The following XRN1 variants were observed in gnomAD, a reference collection of about 807,000 sequenced individuals.
XRN1 encodes strand-exchange protein 1 homolog.
Under a neutral mutation model 222.3 loss-of-function variants are expected in XRN1, and 67 were observed. The ratio of observed to expected loss-of-function variants is 0.30; its 90% confidence interval spans 0.25 to 0.37. The LOEUF is 0.37. Among genes scored for constraint, XRN1 ranks in the 10% least tolerant of loss-of-function variants. The pLI is 1.00. For missense variants in XRN1, 1,707 were observed against 2,000.2 expected, an observed-to-expected ratio of 0.85 and a Z score of 2.80; for synonymous variants, 643 against 652.4, an observed-to-expected ratio of 0.99 and a Z score of 0.22.
chr3:142,434,004 G>GTTCT (rs1315120752), intron 1 of XRN1, among the ~76,000 whole-genome samples: 1 of 152,164 alleles, frequency 6.6e-6, no homozygotes, highest in Non-Finnish European at 1.5e-5. Context: ...ATTCTGGAAT[G>GTTCT]TTCTTACTGA....
chr3:142,360,917 G>A (rs1374408396), intron 29 of XRN1, among the ~76,000 whole-genome samples: 1 of 150,424 alleles, frequency 6.6e-6, no homozygotes, highest in East Asian at 1.9e-4. Flanking sequence ...CAGCCTTACT[G>A]AGGTATAACT....
At chr3:142,349,387 T>C (rs2066242667) in intron 32 of XRN1, among the ~76,000 whole-genome samples, 1 of 152,128 alleles carries the variant, frequency 6.6e-6, no homozygotes, top group Non-Finnish European at 1.5e-5. Flanking sequence ...AACATCAGGA[T>C]AGAACAAGTA....
At chr3:142,321,426 C>T (rs1240421992) in intron 37 of XRN1, among the ~76,000 whole-genome samples, 1 of 152,162 alleles carries the variant, frequency 6.6e-6, no homozygotes, top group Admixed American at 6.5e-5. Flanking sequence ...CGGCTATCCA[C>T]TTCCAACTGA....
chr3:142,402,789 TA>T (rs1251375217), intron 18 of XRN1, among the ~76,000 whole-genome samples: 3 of 152,190 alleles, frequency 2.0e-5, no homozygotes, highest in Non-Finnish European at 4.4e-5. Context: ...TCTAGTCCAG[TA>T]AATTACAATT....
intron 9 of XRN1, 24 bp from the exon 10 acceptor site, chr3:142,421,177 T>C: frequency 6.6e-7 from 1 of 1,517,164 alleles, no homozygotes; most frequent in Non-Finnish European, 8.8e-7. Context: ...TTTAAATTTA[T>C]TTTTAAATAA....
intron 15 of XRN1, among the ~76,000 whole-genome samples, chr3:142,408,905 G>C (rs1472162538): frequency 6.6e-6 from 1 of 152,202 alleles, no homozygotes. Flanking sequence ...TTATGGTATA[G>C]TGGTATCTTA....
intron 15 of XRN1, among the ~76,000 whole-genome samples, chr3:142,411,097 T>C (rs935000754): frequency 1.3e-5 from 2 of 152,208 alleles, no homozygotes; most frequent in African/African-American, 4.8e-5. Flanking sequence ...GTTCACTTCA[T>C]CTAGGTTGTT....
At chr3:142,433,248 A>G (rs2069709174) in intron 1 of XRN1, among the ~76,000 whole-genome samples, 1 of 152,300 alleles carries the variant, frequency 6.6e-6, no homozygotes, top group East Asian at 1.9e-4. Context: ...TCAAAACCTC[A>G]ATTTCCTCTA....
intron 33 of XRN1, among the ~76,000 whole-genome samples, chr3:142,344,762 A>G (rs181511482): frequency 3.3e-5 from 5 of 152,328 alleles, no homozygotes; most frequent in Admixed American, 2.0e-4. Flanking sequence ...ACCGAAATAA[A>G]TGGAAAGACA....
At chr3:142,439,052 G>A (rs928606184) in intron 1 of XRN1, among the ~76,000 whole-genome samples, 35 of 152,078 alleles carry the variant, frequency 2.3e-4, no homozygotes, top group Admixed American at 1.8e-3. Flanking sequence ...AGGAGAATTC[G>A]GCCCAGCCAG....
chr3:142,371,348 T>A lies in XRN1; in HGVS notation c.2979-20A>T. ...GGAGCTCTGGTCAAACAAACAAAAATATTGTCTTAAAATATATATGGTTAA... is the reference window on the plus strand; with the variant it reads ...GGAGCTCTGGTCAAACAAACAAAAAAATTGTCTTAAAATATATATGGTTAA... On this transcript the variant is annotated intron_variant, in intron 25 of 40. Coordinates refer to ENST00000392981, the MANE Select transcript of XRN1 (RefSeq NM_001282857.2). 1 of 1,564,512 alleles carries A rather than the reference T, an allele frequency of 6.4e-7. No individual in the cohort carries two copies. The highest frequency in any genetic ancestry group is 2.2e-5 in the East Asian group (1 of 44,520).
chr3:142,379,254 G>T (rs1335455933), intron 23 of XRN1, among the ~76,000 whole-genome samples: 2 of 152,146 alleles, frequency 1.3e-5, no homozygotes, highest in Non-Finnish European at 2.9e-5. Context: ...CTGGATGACA[G>T]AGCGAAACTC....
At position 142,329,464 on chromosome 3, in the gene XRN1, T is replaced by A. The variant is rs763694684; in HGVS notation, c.4374A>T (p.Gln1458His). 5 of 1,590,100 alleles carry A rather than the reference T, an allele frequency of 3.1e-6. No individual in the cohort carries two copies. In the African/African-American group the frequency reaches 5.5e-5, roughly 17 times the overall value. The change falls in exon 37 of 41, where the codon CAA (glutamine) becomes CAT (histidine). Residue 1458 changes from glutamine (Q) to histidine (H), a missense_variant. Gln to His is a conservative substitution (Grantham distance 24). This residue lies in a region of XRN1 where 473 missense variants were observed against 482.0 expected (regional missense o/e 0.98). Coordinates refer to ENST00000392981, the MANE Select transcript of XRN1 (RefSeq NM_001282857.2). ...GCATCCTAAGAAAGGAGAAATCAGG[T>A]TGTGGCATTCCAACAAGGGAACAAA... ...SRICSLVGMP[Q>H]PDFSFLRMPQ...
chr3:142,417,657 A>G (rs2108088634), intron 12 of XRN1, among the ~76,000 whole-genome samples: 1 of 152,384 alleles, frequency 6.6e-6, no homozygotes, highest in Middle Eastern at 3.4e-3. Context: ...ATTTGGTCAC[A>G]GAAGCTAGAA....
At chr3:142,316,544 T>C (rs1233807195) in intron 39 of XRN1, among the ~76,000 whole-genome samples, 2 of 152,166 alleles carry the variant, frequency 1.3e-5, no homozygotes, top group African/African-American at 4.8e-5. Flanking sequence ...TCTATACCCA[T>C]CCTTAATGTT....
intron 20 of XRN1, among the ~76,000 whole-genome samples, chr3:142,393,703 C>A (rs951578136): frequency 6.6e-6 from 1 of 152,200 alleles, no homozygotes; most frequent in African/African-American, 2.4e-5. Flanking sequence ...AACTACCGAA[C>A]CTCTGAAATC....
rs117687718 is a variant in XRN1, at chr3:142,327,705, C to T, written c.4404+1729G>A. Among the ~76,000 whole-genome samples, 430 of 152,074 alleles carry T rather than the reference C, an allele frequency of 2.8e-3. 6 individuals are homozygous for T. Among genetic ancestry groups the T allele is most frequent in the Admixed American group, 0.016 (243 of 15,264 alleles). Reference sequence around the variant, plus strand: ...AAAATTTGTATAAACGTAAGGGGTGCGAGTGCAGTTTTGTTACATGGATTT... The same window carrying T: ...AAAATTTGTATAAACGTAAGGGGTGTGAGTGCAGTTTTGTTACATGGATTT... On this transcript the variant is annotated intron_variant, in intron 37 of 40. Coordinates refer to ENST00000392981, the MANE Select transcript of XRN1 (RefSeq NM_001282857.2).
intron 32 of XRN1, among the ~76,000 whole-genome samples, chr3:142,351,645 C>T (rs1262549224): frequency 6.6e-6 from 1 of 152,132 alleles, no homozygotes; most frequent in Non-Finnish European, 1.5e-5. Flanking sequence ...TAATCTTTTA[C>T]TGAGGAACGT....
chr3:142,319,897 GGT>G (rs142722746), intron 37 of XRN1, among the ~76,000 whole-genome samples: 2,803 of 150,008 alleles, frequency 0.019, 36 homozygotes, highest in Non-Finnish European at 0.029. Flanking sequence ...AGTAGTACAT[GGT>G]GTGTGTATAC....
Sources: gnomAD v4.1 joint callset for allele counts (sites outside exome capture counted in the v4.1 genomes callset) on GRCh38, gnomAD v4.1.1 for gene constraint, gnomAD v4.1.1 regional missense constraint, MANE v1.5 for transcripts, NCBI Gene and HGNC (gene_info 2026-07-23, HGNC 2026-07-21) for gene names.